The following TBCA variants were observed in gnomAD, a reference collection of about 807,000 sequenced individuals.
TBCA encodes tubulin folding cofactor A.
In TBCA, 6 loss-of-function variants were observed where a neutral mutation model predicts 15.8. The observed-to-expected ratio is 0.38, with a 90% confidence interval of 0.21 to 0.75. The LOEUF (loss-of-function observed/expected upper bound fraction) is 0.75, where lower values mean the gene tolerates loss of function less well. Among genes scored for constraint, TBCA ranks in the 30% least tolerant of loss-of-function variants. The pLI, the probability that TBCA is intolerant of heterozygous loss-of-function variation, is 0.46. For synonymous variants in TBCA, 32 were observed against 42.3 expected (o/e 0.76, Z 0.94); for missense variants, 90 against 131.2 (o/e 0.69, Z 1.53).
intron 1 of TBCA, among the ~76,000 whole-genome samples, chr5:77,737,035 G>A (rs1007821774): frequency 6.6e-6 from 1 of 152,140 alleles, no homozygotes; most frequent in Non-Finnish European, 1.5e-5. Flanking sequence ...TGGGAATATA[G>A]GAGAATAACA....
chr5:77,756,522 C>G (rs892977741), intron 1 of TBCA, among the ~76,000 whole-genome samples: 1 of 151,284 alleles, frequency 6.6e-6, no homozygotes, highest in African/African-American at 2.4e-5. Context: ...AATGTGCAGA[C>G]AAGCCAATGG....
At chr5:77,765,705 G>A (rs1368131990) in intron 1 of TBCA, among the ~76,000 whole-genome samples, 2 of 151,708 alleles carry the variant, frequency 1.3e-5, no homozygotes, top group Admixed American at 6.6e-5. Context: ...GGCTGCTCTT[G>A]GCCACACCTG....
chr5:77,725,616 C>T (rs928112577), intron 1 of TBCA, among the ~76,000 whole-genome samples: 9 of 152,276 alleles, frequency 5.9e-5, no homozygotes, highest in South Asian at 2.1e-4. Context: ...TAACATCAGC[C>T]GCGTATGCCT....
At chr5:77,736,916 G>A (rs1746921731) in intron 1 of TBCA, among the ~76,000 whole-genome samples, 1 of 152,162 alleles carries the variant, frequency 6.6e-6, no homozygotes, top group South Asian at 2.1e-4. Context: ...TATAGATGAT[G>A]GGTATTAGAG....
chr5:77,693,586 G>T (rs768297253), intron 2 of TBCA: 1 of 490,122 alleles, frequency 2.0e-6, no homozygotes, highest in African/African-American at 2.0e-5. Context: ...ATCACCTGAG[G>T]TCAGGAGGTT....
At chr5:77,746,384 C>T (rs1016405784) in intron 1 of TBCA, among the ~76,000 whole-genome samples, 2 of 152,024 alleles carry the variant, frequency 1.3e-5, no homozygotes, top group African/African-American at 4.8e-5. Flanking sequence ...AATTTTGATA[C>T]TAAAATAACA....
intron 2 of TBCA, among the ~76,000 whole-genome samples, chr5:77,706,942 G>A (rs1203474165): frequency 6.6e-6 from 1 of 152,036 alleles, no homozygotes; most frequent in East Asian, 1.9e-4. Context: ...CTGAGTATCT[G>A]GATGAGTGGA....
At chr5:77,732,807 G>A (rs901266057) in intron 1 of TBCA, among the ~76,000 whole-genome samples, 2 of 152,046 alleles carry the variant, frequency 1.3e-5, no homozygotes, top group Admixed American at 6.6e-5. Flanking sequence ...AAACTCAATC[G>A]ATGAATGTGT....
chr5:77,745,418 A>C (rs1472316549), intron 1 of TBCA, among the ~76,000 whole-genome samples: 1 of 152,220 alleles, frequency 6.6e-6, no homozygotes, highest in Non-Finnish European at 1.5e-5. Flanking sequence ...TTTGCCACTA[A>C]AATTAGTCAC....
chr5:77,701,453 A>G (rs1037035018), intron 2 of TBCA, among the ~76,000 whole-genome samples: 1 of 151,846 alleles, frequency 6.6e-6, no homozygotes, highest in Admixed American at 6.6e-5. Flanking sequence ...CAACTTCTAC[A>G]CTGCTGCTGG....
At chr5:77,693,398 T>C (rs1745800455) in intron 2 of TBCA, 46 bp from the exon 3 acceptor site, 5 of 1,584,634 alleles carry the variant, frequency 3.2e-6, no homozygotes, top group Non-Finnish European at 3.4e-6. Flanking sequence ...GCAGAACTTG[T>C]AGGTGTTTAG....
At chr5:77,753,903 C>T (rs1418735679) in intron 1 of TBCA, among the ~76,000 whole-genome samples, 1 of 152,088 alleles carries the variant, frequency 6.6e-6, no homozygotes, top group East Asian at 1.9e-4. Flanking sequence ...GGATTACAGG[C>T]ATGCACCACC....
At chr5:77,721,333 T>C (rs1213020577) in intron 1 of TBCA, among the ~76,000 whole-genome samples, 1 of 152,180 alleles carries the variant, frequency 6.6e-6, no homozygotes, top group Non-Finnish European at 1.5e-5. Context: ...TGATATGTAA[T>C]GTGTTTATGC....
intron 1 of TBCA, among the ~76,000 whole-genome samples, chr5:77,770,338 T>C (rs1747877214): frequency 6.6e-6 from 1 of 152,220 alleles, no homozygotes; most frequent in Non-Finnish European, 1.5e-5. Flanking sequence ...ACCATGCACT[T>C]AAGTTTTAAA....
intron 1 of TBCA, among the ~76,000 whole-genome samples, chr5:77,718,497 G>A (rs1746455732): frequency 6.6e-6 from 1 of 152,154 alleles, no homozygotes; most frequent in Non-Finnish European, 1.5e-5. Flanking sequence ...ATTCTCACTA[G>A]TTCCTTAGTA....
At chr5:77,773,107 C>G (rs557199347) in intron 1 of TBCA, among the ~76,000 whole-genome samples, 47 of 152,192 alleles carry the variant, frequency 3.1e-4, no homozygotes, top group Non-Finnish European at 5.6e-4. Context: ...ATAACCCAAG[C>G]AAGTCTGGTA....
At chr5:77,718,349 A>G (rs1746450701) in intron 1 of TBCA, among the ~76,000 whole-genome samples, 1 of 152,242 alleles carries the variant, frequency 6.6e-6, no homozygotes, top group Non-Finnish European at 1.5e-5. Flanking sequence ...TACTAAATCT[A>G]TAGACCATTA....
intron 1 of TBCA, among the ~76,000 whole-genome samples, chr5:77,714,039 G>A (rs891321028): frequency 1.5e-4 from 23 of 149,714 alleles, no homozygotes; most frequent in Non-Finnish European, 2.8e-4. Flanking sequence ...TGTACATTAA[G>A]AATTTCCAGT....
intron 2 of TBCA, among the ~76,000 whole-genome samples, chr5:77,697,480 G>T (rs576045025): frequency 1.3e-5 from 2 of 151,998 alleles, no homozygotes; most frequent in South Asian, 4.1e-4. Flanking sequence ...ACAGAAAGAA[G>T]GAAAATCCCT....
Sources: allele counts gnomAD v4.1 joint callset (sites outside exome capture counted in the v4.1 genomes callset), GRCh38; gene constraint gnomAD v4.1.1; transcripts MANE v1.5; gene names NCBI Gene and HGNC (gene_info 2026-07-23, HGNC 2026-07-21).